The following FLACC1 variants were observed in gnomAD, a reference collection of about 807,000 sequenced individuals.
The protein encoded by FLACC1 is flagellum associated containing coiled-coil domains 1, also known as flagellum-associated coiled-coil domain-containing protein 1.
In FLACC1, 66 loss-of-function variants were observed where a neutral mutation model predicts 62.8. That is an observed-to-expected ratio of 1.05 (90% CI 0.86 to 1.29). FLACC1 has a LOEUF of 1.29. Ranked by LOEUF, FLACC1 falls within the 50% of genes most tolerant of loss-of-function variation. FLACC1 has a pLI of 0.00. For synonymous variants in FLACC1, 156 were observed against 161.0 expected (o/e 0.97, Z 0.24); for missense variants, 452 against 489.1 (o/e 0.92, Z 0.71).
chr2:201,359,169 G>A (rs1951162731), upstream of FLACC1, among the ~76,000 whole-genome samples: 1 of 152,186 alleles, frequency 6.6e-6, no homozygotes, highest in African/African-American at 2.4e-5. Context: ...AAAGGAGAAG[G>A]TGATGATTCC....
intron 1 of FLACC1, among the ~76,000 whole-genome samples, chr2:201,352,977 G>A (rs961984128): frequency 3.3e-5 from 5 of 152,166 alleles, no homozygotes; most frequent in Admixed American, 2.0e-4. Flanking sequence ...TGGAGCCTCC[G>A]GAAGGAATGC....
chr2:201,360,481 C>T (rs1448635035), upstream of FLACC1, among the ~76,000 whole-genome samples: 2 of 152,162 alleles, frequency 1.3e-5, no homozygotes, highest in African/African-American at 4.8e-5. Context: ...CTATTTGTGG[C>T]TCTATGAGAA....
intron 9 of FLACC1, among the ~76,000 whole-genome samples, chr2:201,312,630 A>T (rs1370117596): frequency 2.0e-5 from 3 of 152,244 alleles, no homozygotes; most frequent in Non-Finnish European, 4.4e-5. Context: ...CTAAGCAAAA[A>T]GAACAAAGCT....
At chr2:201,340,492 G>A (rs919615692) in intron 7 of FLACC1, among the ~76,000 whole-genome samples, 1 of 152,098 alleles carries the variant, frequency 6.6e-6, no homozygotes, top group Non-Finnish European at 1.5e-5. Flanking sequence ...TTAGTTGCAA[G>A]CAATAACTCA....
Position 201,344,204 on chromosome 2 carries a change from T to C in FLACC1, c.428A>G (p.Gln143Arg). The change falls in exon 6 of 15, where the codon CAA becomes CGA. Residue 143 changes from glutamine to arginine, a missense_variant. Physicochemically the swap from Gln to Arg is conservative, Grantham distance 43. Coordinates refer to ENST00000392257, the MANE Select transcript of FLACC1 (RefSeq NM_001127391.3). ...GGCAGACTGGTGGTCTCTGTTCATT[T>C]GTTCAATTATTGCTGTCAGCTCTGA... Reference protein sequence around the residue: ...QISELTAIIEQMNRDHQSAQK... With the variant: ...QISELTAIIERMNRDHQSAQK... 6.2e-7 allele frequency: 1 copy of C among 1,613,986 alleles called. No individual in the cohort carries two copies. The highest frequency in any genetic ancestry group is 1.1e-5 in the South Asian group (1 of 91,048).
rs151091820 is a variant in FLACC1 at position 201,329,529 on chromosome 2, C to T, written c.675+941G>A. Among the ~76,000 whole-genome samples the T allele has an allele frequency of 5.0e-3, 756 of 152,308 alleles. 7 individuals carry two copies. Among genetic ancestry groups the T allele is most frequent in the Admixed American group, 8.2e-3 (126 of 15,296 alleles). On this transcript the variant is annotated intron_variant, in intron 9 of 14. Coordinates refer to ENST00000392257, the MANE Select transcript of FLACC1 (RefSeq NM_001127391.3). ...CACAGACAATTCACAATAGCAAAGA[C>T]ATGGAATCAACCTAAGTACCCACTG... is the stretch of plus-strand genomic sequence containing the variant.
At position 201,351,280 on chromosome 2, in the gene FLACC1, G is replaced by T; in HGVS notation, c.113+12C>A. 1 of 1,593,286 alleles carries T rather than the reference G, an allele frequency of 6.3e-7. No individual in the cohort carries two copies. Among genetic ancestry groups the T allele is most frequent in the Non-Finnish European group, 8.6e-7 (1 of 1,161,210 alleles). ...AGGTCCCTGTGCCTACCCCATCCCA[G>T]ATAATTCTTACTTGGAACTCCCTGT... On this transcript the variant is annotated intron_variant, in intron 2 of 14. Coordinates refer to ENST00000392257, the MANE Select transcript of FLACC1 (RefSeq NM_001127391.3).
chr2:201,318,308 C>T (rs1347169368), intron 9 of FLACC1, among the ~76,000 whole-genome samples: 1 of 152,198 alleles, frequency 6.6e-6, no homozygotes, highest in Non-Finnish European at 1.5e-5. Flanking sequence ...AGCAAACAGA[C>T]AACCCACAGA....
rs149974188 is a variant in FLACC1 at position 201,306,213 on chromosome 2, C to A, written c.879+1306G>T. Among the ~76,000 whole-genome samples the A allele has an allele frequency of 1.9e-3, 286 of 152,044 alleles. 3 individuals are homozygous for A. The highest frequency in any genetic ancestry group is 6.5e-3 in the African/African-American group (268 of 41,464). Reference sequence around the variant, plus strand: ...GAAGGTAAAGAGGAAGGAGGCCTGTCTTACATAGCTGGAACAAAAGAAAGA... The same window carrying A: ...GAAGGTAAAGAGGAAGGAGGCCTGTATTACATAGCTGGAACAAAAGAAAGA... On this transcript the variant is annotated intron_variant, in intron 11 of 14. Transcript: ENST00000392257.
chr2:201,352,367 T>C (rs1210479645), intron 1 of FLACC1, among the ~76,000 whole-genome samples: 1 of 152,236 alleles, frequency 6.6e-6, no homozygotes, highest in Non-Finnish European at 1.5e-5. Flanking sequence ...TATGAGAATC[T>C]TGATGAAAGA....
chr2:201,309,679 C>T (rs1017499460), intron 9 of FLACC1, among the ~76,000 whole-genome samples: 2 of 151,898 alleles, frequency 1.3e-5, no homozygotes, highest in African/African-American at 2.4e-5. Flanking sequence ...GAGGTGGAGG[C>T]AGGCAGATCA....
intron 7 of FLACC1, among the ~76,000 whole-genome samples, chr2:201,334,624 A>G (rs995961881): frequency 2.0e-5 from 3 of 151,998 alleles, no homozygotes; most frequent in African/African-American, 7.3e-5. Context: ...TCTCTACTAA[A>G]AATACAAAAT....
chr2:201,311,139 T>C (rs1023023734), intron 9 of FLACC1, among the ~76,000 whole-genome samples: 1 of 149,370 alleles, frequency 6.7e-6, no homozygotes, highest in Non-Finnish European at 1.5e-5. Flanking sequence ...ATTGATTCAG[T>C]AATAAAATAA....
At chr2:201,335,287 C>T (rs1247303267) in intron 7 of FLACC1, among the ~76,000 whole-genome samples, 2 of 151,954 alleles carry the variant, frequency 1.3e-5, no homozygotes, top group Non-Finnish European at 1.5e-5. Context: ...TTTATTTCTG[C>T]TTTGATCTTT....
At chr2:201,330,629 C>T in intron 8 of FLACC1, 107 bp from the exon 9 acceptor site, 2 of 1,518,794 alleles carry the variant, frequency 1.3e-6, no homozygotes, top group Non-Finnish European at 1.8e-6. Flanking sequence ...AACTCATCAC[C>T]AAGGTAGTAA....
intron 9 of FLACC1, among the ~76,000 whole-genome samples, chr2:201,329,273 T>C (rs1026075480): frequency 6.6e-5 from 10 of 152,122 alleles, no homozygotes; most frequent in African/African-American, 2.4e-4. Flanking sequence ...AGAATGGTTA[T>C]TATTAAAAAG....
At chr2:201,335,341 C>T (rs1950672198) in intron 7 of FLACC1, among the ~76,000 whole-genome samples, 2 of 151,900 alleles carry the variant, frequency 1.3e-5, no homozygotes, top group South Asian at 4.2e-4. Context: ...TTTCGTTCTT[C>T]TTTCCTAGTT....
chr2:201,313,910 A>T (rs890983186), intron 9 of FLACC1, among the ~76,000 whole-genome samples: 1 of 152,144 alleles, frequency 6.6e-6, no homozygotes, highest in Non-Finnish European at 1.5e-5. Flanking sequence ...AACCCCCAAT[A>T]CCAGCCTGGA....
At chr2:201,331,141 T>A (rs2125594010) in intron 7 of FLACC1, among the ~76,000 whole-genome samples, 1 of 151,168 alleles carries the variant, frequency 6.6e-6, no homozygotes, top group Non-Finnish European at 1.5e-5. Flanking sequence ...TCTAATTTTT[T>A]AATTTTTTGT....
Sources: gnomAD v4.1 joint callset for allele counts (sites outside exome capture counted in the v4.1 genomes callset) on GRCh38, gnomAD v4.1.1 for gene constraint, MANE v1.5 for transcripts, NCBI Gene and HGNC (gene_info 2026-07-23, HGNC 2026-07-21) for gene names.